Variants in CTNNA2 observed in about 807,000 individuals in gnomAD.
CTNNA2 encodes catenin alpha-2.
A neutral mutation model predicts 101.0 loss-of-function variants in CTNNA2; 42 were observed. The ratio of observed to expected loss-of-function variants is 0.42; its 90% confidence interval spans 0.32 to 0.54. CTNNA2 has a LOEUF of 0.54. CTNNA2 is among the 20% of genes least tolerant of loss of function. The pLI, the probability that CTNNA2 is intolerant of heterozygous loss-of-function variation, is 0.14. For synonymous variants in CTNNA2, 450 were observed against 456.4 expected, an observed-to-expected ratio of 0.99 and a Z score of 0.18; for missense variants, 871 against 1,223.1, an observed-to-expected ratio of 0.71 and a Z score of 4.29.
At chr2:80,559,990 G>C (rs887631810) in intron 12 of CTNNA2, among the ~76,000 whole-genome samples, 1 of 148,546 alleles carries the variant, frequency 6.7e-6, no homozygotes, top group Admixed American at 6.8e-5. Context: ...CCATGTGAGC[G>C]TGACTAGGTT....
In CTNNA2 at chr2:79,761,702, T is replaced by C. The variant is rs574429159; in HGVS notation, c.298+17120T>C. On this transcript the variant is annotated intron_variant, in intron 3 of 18. Transcript: ENST00000402739. ...AGGTCAAAAGGATTAAATATTTACA[T>C]TCATTAGAATATGATCTTTTGGTGT... 4.6e-5 allele frequency among the ~76,000 whole-genome samples: 7 copies of C among 152,324 alleles called. No individual in the cohort carries two copies. In the South Asian group the frequency reaches 1.2e-3, roughly 27 times the overall value.
intron 4 of CTNNA2, among the ~76,000 whole-genome samples, chr2:79,384,365 A>C (rs1328104324): frequency 1.5e-5 from 2 of 136,090 alleles, no homozygotes; most frequent in Non-Finnish European, 1.6e-5. Flanking sequence ...GGTAATTTGA[A>C]TGCATATTTC....
chr2:79,839,052 G>A (rs188266329), intron 3 of CTNNA2, among the ~76,000 whole-genome samples: 17 of 151,956 alleles, frequency 1.1e-4, no homozygotes, highest in African/African-American at 1.7e-4. Context: ...TCTTTTAAGC[G>A]CACCCTATTC....
At chr2:80,308,897 T>C (rs2149222428) in intron 7 of CTNNA2, among the ~76,000 whole-genome samples, 1 of 152,148 alleles carries the variant, frequency 6.6e-6, no homozygotes, top group Non-Finnish European at 1.5e-5. Flanking sequence ...CTGGCCAACA[T>C]GGTGAAACCT....
intron 12 of CTNNA2, among the ~76,000 whole-genome samples, chr2:80,561,729 C>T (rs1433086569): frequency 6.6e-6 from 1 of 152,106 alleles, no homozygotes; most frequent in African/African-American, 2.4e-5. Context: ...ATGGCAGTCT[C>T]TGCTCACTGC....
At chr2:80,630,149 G>A (rs199552653) in intron 18 of CTNNA2, among the ~76,000 whole-genome samples, 2 of 152,114 alleles carry the variant, frequency 1.3e-5, no homozygotes, top group Non-Finnish European at 2.9e-5. Context: ...CTGTCTTAGA[G>A]CTTATGTATT....
chr2:79,217,472 G>A (rs1369389752), intron 2 of CTNNA2, among the ~76,000 whole-genome samples: 2 of 152,064 alleles, frequency 1.3e-5, no homozygotes, highest in South Asian at 2.1e-4. Context: ...GAAAATTACA[G>A]TCAAAGGGGG....
At chr2:79,756,982 A>G (rs1672444462) in intron 3 of CTNNA2, among the ~76,000 whole-genome samples, 1 of 152,218 alleles carries the variant, frequency 6.6e-6, no homozygotes, top group South Asian at 2.1e-4. Flanking sequence ...TGATATAGCC[A>G]CTTTGAAGGA....
At chr2:80,073,981 G>T (rs1212394544) in intron 7 of CTNNA2, among the ~76,000 whole-genome samples, 1 of 151,994 alleles carries the variant, frequency 6.6e-6, no homozygotes, top group Non-Finnish European at 1.5e-5. Context: ...TGACCTACGG[G>T]TATGTAGTGA....
intron 2 of CTNNA2, among the ~76,000 whole-genome samples, chr2:79,658,764 G>A (rs1681800651): frequency 1.3e-5 from 2 of 151,914 alleles, no homozygotes; most frequent in South Asian, 4.1e-4. Context: ...TGTTTAATGA[G>A]CTGTTCTAAA....
intron 7 of CTNNA2, among the ~76,000 whole-genome samples, chr2:79,966,257 A>G (rs887694045): frequency 1.3e-5 from 2 of 151,764 alleles, no homozygotes; most frequent in African/African-American, 2.4e-5. Flanking sequence ...TTTTTGGGGG[A>G]CAGGGTCTTG....
chr2:80,406,632 G>A (rs1445957974), intron 8 of CTNNA2, among the ~76,000 whole-genome samples: 1 of 151,938 alleles, frequency 6.6e-6, no homozygotes, highest in Non-Finnish European at 1.5e-5. Context: ...CGCGACCATC[G>A]TGGCTAACGC....
chr2:79,287,809 A>T (rs1201377418), intron 2 of CTNNA2, among the ~76,000 whole-genome samples: 2 of 152,128 alleles, frequency 1.3e-5, no homozygotes, highest in Non-Finnish European at 2.9e-5. Flanking sequence ...TTGTTTACCT[A>T]AGCAAGCCTG....
At position 80,596,279 on chromosome 2, in the gene CTNNA2, G is replaced by GTTTTTT. The variant is rs60132060; in HGVS notation, c.2189+6837_2189+6842dup. ...AGTTTTTTTGGGCTGAGACAAGGTT[G>GTTTTTT]TTTTTTTTTTTTTTTTTTTTTTTTT... On this transcript the variant is annotated intron_variant, in intron 15 of 18. Coordinates refer to ENST00000402739, the MANE Select transcript of CTNNA2 (RefSeq NM_001282597.3). 8.4e-3 allele frequency among the ~76,000 whole-genome samples: 295 copies of GTTTTTT among 35,314 alleles called. 106 individuals are homozygous for GTTTTTT. Among genetic ancestry groups the GTTTTTT allele is most frequent in the East Asian group, 0.014 (11 of 798 alleles). 23.2% of individuals were successfully genotyped at this position (35,314 alleles called of 152,430 possible). A position where few individuals can be genotyped will look rare whatever the true frequency, so the allele number is the denominator to read the frequency against.
At chr2:80,467,009 T>A (rs1274879890) in intron 9 of CTNNA2, among the ~76,000 whole-genome samples, 2 of 152,206 alleles carry the variant, frequency 1.3e-5, no homozygotes, top group Admixed American at 1.3e-4. Flanking sequence ...TCATGAAGCA[T>A]CAGTTTAGCC....
At chr2:80,137,183 G>A (rs555434780) in intron 7 of CTNNA2, among the ~76,000 whole-genome samples, 1 of 152,228 alleles carries the variant, frequency 6.6e-6, no homozygotes, top group South Asian at 2.1e-4. Flanking sequence ...TTATAAGGCA[G>A]AATACAGATA....
At chr2:80,336,075 AT>A (rs1220630988) in intron 7 of CTNNA2, among the ~76,000 whole-genome samples, 2 of 152,166 alleles carry the variant, frequency 1.3e-5, no homozygotes, top group Non-Finnish European at 2.9e-5. Context: ...GTCTTAGTTC[AT>A]TTTTGCTGCA....
At chr2:79,970,330 C>T (rs938652003) in intron 7 of CTNNA2, among the ~76,000 whole-genome samples, 8 of 152,134 alleles carry the variant, frequency 5.3e-5, no homozygotes, top group African/African-American at 1.4e-4. Context: ...CTGCTTGAAA[C>T]CTCTTTTCAA....
intron 4 of CTNNA2, among the ~76,000 whole-genome samples, chr2:79,477,168 C>CTTTTTTTTTTTTT (rs5832392): frequency 5.7e-5 from 7 of 123,150 alleles, no homozygotes; most frequent in East Asian, 2.6e-4. Flanking sequence ...TCTTTTTTTT[C>CTTTTTTTTTTTTT]TTTTTTTTTT....
Sources: allele counts gnomAD v4.1 joint callset (sites outside exome capture counted in the v4.1 genomes callset), GRCh38; gene constraint gnomAD v4.1.1; transcripts MANE v1.5; gene names NCBI Gene and HGNC (gene_info 2026-07-23, HGNC 2026-07-21).